The following CPNE4 variants were observed in gnomAD, a reference collection of about 807,000 sequenced individuals.
The protein encoded by CPNE4 is copine-4.
Under a neutral mutation model 67.9 loss-of-function variants are expected in CPNE4, and 25 were observed. That is an observed-to-expected ratio of 0.37 (90% CI 0.27 to 0.51). CPNE4 has a LOEUF of 0.51. CPNE4 is among the 20% of genes least tolerant of loss of function. CPNE4 has a pLI of 0.93. For synonymous variants in CPNE4, 242 were observed against 244.9 expected (o/e 0.99, Z 0.11); for missense variants, 464 against 690.8 (o/e 0.67, Z 3.68).
chr3:131,582,221 G>A (rs1325584044), intron 8 of CPNE4, among the ~76,000 whole-genome samples: 1 of 152,144 alleles, frequency 6.6e-6, no homozygotes, highest in Non-Finnish European at 1.5e-5. Flanking sequence ...GAACTTCATG[G>A]AGAACTAAAA....
chr3:131,878,944 T>C (rs2087561005), intron 2 of CPNE4, among the ~76,000 whole-genome samples: 1 of 152,258 alleles, frequency 6.6e-6, no homozygotes, highest in Non-Finnish European at 1.5e-5. Flanking sequence ...TACCTTGCCC[T>C]ACCCTTAGTA....
intron 2 of CPNE4, among the ~76,000 whole-genome samples, chr3:131,792,650 TATATACACAC>T (rs1560321754): frequency 5.9e-5 from 5 of 84,564 alleles, no homozygotes; most frequent in Middle Eastern, 5.7e-3. Context: ...TATATATGTA[TATATACACAC>T]GTGTATATAT....
intron 8 of CPNE4, among the ~76,000 whole-genome samples, chr3:131,585,353 C>T (rs1222443508): frequency 2.6e-5 from 4 of 152,122 alleles, no homozygotes; most frequent in African/African-American, 7.2e-5. Flanking sequence ...TTGGAATTTA[C>T]TAGGTGCTAC....
At chr3:131,563,516 G>C (rs1173699591) in intron 11 of CPNE4, among the ~76,000 whole-genome samples, 5 of 152,006 alleles carry the variant, frequency 3.3e-5, no homozygotes, top group Non-Finnish European at 1.5e-5. Flanking sequence ...TTATCATCAA[G>C]TAAGAATAAA....
At chr3:131,965,702 C>A (rs1462167905) in intron 1 of CPNE4, among the ~76,000 whole-genome samples, 1 of 152,214 alleles carries the variant, frequency 6.6e-6, no homozygotes, top group African/African-American at 2.4e-5. Context: ...GCACCCAATA[C>A]AGGGGCACCC....
intron 5 of CPNE4, among the ~76,000 whole-genome samples, chr3:131,689,826 G>C (rs951831046): frequency 6.6e-6 from 1 of 152,082 alleles, no homozygotes; most frequent in Non-Finnish European, 1.5e-5. Flanking sequence ...AAAGACTATG[G>C]TGAAAGACTC....
At chr3:131,852,456 T>C (rs541330654) in intron 2 of CPNE4, among the ~76,000 whole-genome samples, 25 of 152,150 alleles carry the variant, frequency 1.6e-4, no homozygotes, top group Non-Finnish European at 3.2e-4. Flanking sequence ...AGTTATTTGA[T>C]AACATTTTAA....
Position 131,630,050 on chromosome 3 carries a change from T to C in CPNE4, c.681+39625A>G, listed in dbSNP as rs190990036. Among the ~76,000 whole-genome samples the C allele has an allele frequency of 3.9e-4, 59 of 152,340 alleles. 1 individual carries two copies. Among genetic ancestry groups the C allele is most frequent in the African/African-American group, 1.4e-3 (57 of 41,574 alleles). The stretch of plus-strand genomic sequence containing the variant: ...TGATGAGAAGAAGTGAGGTGAATGA[T>C]GTAGGCATTGTGATTTAATGAAAAA... On this transcript the variant is annotated intron_variant, in intron 7 of 15. Coordinates refer to ENST00000429747, the MANE Select transcript of CPNE4 (RefSeq NM_130808.3).
intron 7 of CPNE4, among the ~76,000 whole-genome samples, chr3:131,610,716 AC>A (rs1939787361): frequency 6.6e-6 from 1 of 152,168 alleles, no homozygotes; most frequent in African/African-American, 2.4e-5. Flanking sequence ...ATTTCTGGAA[AC>A]ACTTTCACAT....
chr3:131,813,118 A>G (rs2084599396), intron 2 of CPNE4, among the ~76,000 whole-genome samples: 1 of 152,150 alleles, frequency 6.6e-6, no homozygotes, highest in African/African-American at 2.4e-5. Flanking sequence ...TGGCAATTTC[A>G]CATCATTTAA....
chr3:131,645,042 T>C lies in CPNE4; in HGVS notation c.681+24633A>G, dbSNP rs966031512. On this transcript the variant is annotated intron_variant, in intron 7 of 15. Transcript: ENST00000429747. The stretch of plus-strand genomic sequence containing the variant: ...CAGAGATGCTGGAGGTTCCAAACCA[T>C]TGTTGCCTAGAAGTGAAAAACCGGA... 3.3e-5 allele frequency among the ~76,000 whole-genome samples: 5 copies of C among 152,334 alleles called. No individual in the cohort carries two copies. In the East Asian group the frequency reaches 9.6e-4, roughly 29 times the overall value.
At chr3:131,781,837 C>T (rs1237783378) in intron 2 of CPNE4, among the ~76,000 whole-genome samples, 3 of 151,926 alleles carry the variant, frequency 2.0e-5, no homozygotes, top group African/African-American at 7.3e-5. Context: ...GTCTTATTTT[C>T]CTTGTTATTT....
At chr3:131,950,246 C>G (rs990842338) in intron 1 of CPNE4, among the ~76,000 whole-genome samples, 2 of 152,188 alleles carry the variant, frequency 1.3e-5, no homozygotes, top group African/African-American at 4.8e-5. Context: ...GATGCATTAA[C>G]AGTGAACTCA....
chr3:131,588,099 C>A (rs1284619544), intron 7 of CPNE4, among the ~76,000 whole-genome samples: 2 of 151,926 alleles, frequency 1.3e-5, no homozygotes, highest in African/African-American at 4.8e-5. Flanking sequence ...ATAGCAATGA[C>A]AACAAAAATT....
chr3:131,921,285 C>T (rs1157952813), intron 1 of CPNE4, among the ~76,000 whole-genome samples: 1 of 152,194 alleles, frequency 6.6e-6, no homozygotes, highest in Non-Finnish European at 1.5e-5. Flanking sequence ...GTCTATTTCA[C>T]TGGAGGTGAA....
chr3:131,773,352 T>TTATTTATG (rs1210944967), intron 2 of CPNE4, among the ~76,000 whole-genome samples: 2 of 2,234 alleles, frequency 9.0e-4, no homozygotes, highest in Non-Finnish European at 0.059. Flanking sequence ...GTTTTATTTA[T>TTATTTATG]TATTTATTTA....
intron 1 of CPNE4, among the ~76,000 whole-genome samples, chr3:131,995,082 T>C (rs773924817): frequency 1.2e-4 from 19 of 152,222 alleles, no homozygotes; most frequent in Non-Finnish European, 2.6e-4. Flanking sequence ...CCCAAACTCC[T>C]GGGCTCAAGC....
chr3:131,557,914 G>A (rs1936551209), intron 11 of CPNE4, among the ~76,000 whole-genome samples: 1 of 152,024 alleles, frequency 6.6e-6, no homozygotes, highest in Admixed American at 6.6e-5. Flanking sequence ...TGACCCAGAA[G>A]TCAAAATAGA....
intron 2 of CPNE4, among the ~76,000 whole-genome samples, chr3:131,835,836 G>A (rs1420589319): frequency 1.3e-5 from 2 of 152,174 alleles, no homozygotes; most frequent in Admixed American, 1.3e-4. Flanking sequence ...GGCTGCTGCA[G>A]ATAGAGTAGA....
Sources: gnomAD v4.1 joint callset for allele counts (sites outside exome capture counted in the v4.1 genomes callset) on GRCh38, gnomAD v4.1.1 for gene constraint, MANE v1.5 for transcripts, NCBI Gene and HGNC (gene_info 2026-07-23, HGNC 2026-07-21) for gene names.